The following SPATA13 variants were observed in gnomAD, a reference collection of about 807,000 sequenced individuals.
SPATA13 encodes spermatogenesis associated 13, also known as spermatogenesis-associated protein 13.
Under a neutral mutation model 104.0 loss-of-function variants are expected in SPATA13, and 50 were observed. That is an observed-to-expected ratio of 0.48 (90% CI 0.38 to 0.61). The LOEUF is 0.61. Ranked by LOEUF, SPATA13 falls within the 20% of genes least tolerant of loss-of-function variation. The probability of loss-of-function intolerance (pLI) is 0.00; values close to 1 mark genes in which losing one functional copy is unlikely to be tolerated. For missense variants in SPATA13, 1,524 were observed against 1,690.6 expected (o/e 0.90, Z 1.73); for synonymous variants, 606 against 667.5 (o/e 0.91, Z 1.42).
At chr13:24,172,463 T>G (rs2138507636) in intron 1 of SPATA13, among the ~76,000 whole-genome samples, 1 of 152,340 alleles carries the variant, frequency 6.6e-6, no homozygotes, top group South Asian at 2.1e-4. Flanking sequence ...TCTTTTGTGT[T>G]TTTTTCTAAA....
chr13:24,012,935 G>A (rs929187565), intron 2 of SPATA13, among the ~76,000 whole-genome samples: 2 of 152,148 alleles, frequency 1.3e-5, no homozygotes, highest in East Asian at 3.9e-4. Context: ...GGCACACCTA[G>A]GCCACAACTC....
chr13:24,089,030 C>T (rs1374795574), intron 3 of SPATA13, among the ~76,000 whole-genome samples: 1 of 152,358 alleles, frequency 6.6e-6, no homozygotes, highest in East Asian at 1.9e-4. Context: ...GACACGTTCA[C>T]AGGTGGCTTT....
chr13:24,301,891 A>G (rs947228), intron 12 of SPATA13, among the ~76,000 whole-genome samples: 58,656 of 152,060 alleles, frequency 0.39, 11,881 homozygotes, highest in East Asian at 0.59. Context: ...TACTTCTATT[A>G]ATTCATTTAA....
At chr13:24,056,435 C>A (rs1878547388) in intron 3 of SPATA13, among the ~76,000 whole-genome samples, 1 of 152,208 alleles carries the variant, frequency 6.6e-6, no homozygotes, top group African/African-American at 2.4e-5. Context: ...TATTCCATTT[C>A]CATACAAGAC....
intron 1 of SPATA13, among the ~76,000 whole-genome samples, chr13:24,180,510 C>T (rs1868731584): frequency 6.6e-6 from 1 of 152,154 alleles, no homozygotes; most frequent in African/African-American, 2.4e-5. Flanking sequence ...ATAGGATCAG[C>T]TTGCAAATCA....
intron 1 of SPATA13, among the ~76,000 whole-genome samples, chr13:24,222,242 C>G (rs1871627273): frequency 6.6e-6 from 1 of 152,212 alleles, no homozygotes; most frequent in Admixed American, 6.5e-5. Context: ...TCCTTCCCGC[C>G]TGTGTCTAGG....
intron 1 of SPATA13, among the ~76,000 whole-genome samples, chr13:24,189,293 A>ATTTCT (rs1469821827): frequency 6.6e-6 from 1 of 151,708 alleles, no homozygotes; most frequent in African/African-American, 2.4e-5. Flanking sequence ...AACACAGTGA[A>ATTTCT]ACCCCGTCTC....
At chr13:24,279,490 G>A (rs1039267557) in intron 4 of SPATA13, among the ~76,000 whole-genome samples, 1 of 152,140 alleles carries the variant, frequency 6.6e-6, no homozygotes, top group Non-Finnish European at 1.5e-5. Flanking sequence ...GACCAGGAGG[G>A]GCTGCTGGAG....
chr13:24,250,167 A>G (rs1342233166), intron 3 of SPATA13, among the ~76,000 whole-genome samples: 1 of 152,270 alleles, frequency 6.6e-6, no homozygotes, highest in East Asian at 1.9e-4. Flanking sequence ...TGAAAGAAGT[A>G]ATTGTTGAAA....
intron 1 of SPATA13, among the ~76,000 whole-genome samples, chr13:24,176,850 G>A (rs1475458267): frequency 6.6e-6 from 1 of 151,948 alleles, no homozygotes; most frequent in East Asian, 1.9e-4. Flanking sequence ...TGCAACCTCC[G>A]CCTCCTGGGT....
intron 3 of SPATA13, among the ~76,000 whole-genome samples, chr13:24,104,131 C>T (rs907702455): frequency 2.0e-5 from 3 of 151,902 alleles, no homozygotes; most frequent in African/African-American, 4.8e-5. Context: ...TGAGAATGTC[C>T]GTGTCAGTCT....
At position 24,088,307 on chromosome 13, in the gene SPATA13, G is replaced by A. The variant is rs149044335; in HGVS notation, c.-112+70606G>A. ...GCTCAGAGCGGTAAGGAATTGGCCC[G>A]CAGTCACATGACTATTAAAGCATCT... On this transcript the variant is annotated intron_variant, in intron 3 of 14. Transcript: ENST00000424834. This position sits in a 1 kb window ranked among gnomAD's most constrained non-coding sequence, Gnocchi z 4.3. Among the ~76,000 whole-genome samples, 679 of 152,204 alleles carry A rather than the reference G, an allele frequency of 4.5e-3. 4 individuals carry two copies. The highest frequency in any genetic ancestry group is 0.015 in the African/African-American group (618 of 41,538).
At chr13:24,189,410 C>G (rs867376771) in intron 1 of SPATA13, among the ~76,000 whole-genome samples, 1 of 149,766 alleles carries the variant, frequency 6.7e-6, no homozygotes, top group African/African-American at 2.5e-5. Context: ...GGGGGCGGAG[C>G]TTGCAGTGAG....
rs1369897737 is a variant in SPATA13 at position 24,016,912 on chromosome 13, A to T, written c.-146-755A>T. ...CCGCCCAGGCTCATGCCCAGCCTTC[A>T]ATGAATACAGTTTTAGTTACTGAAT... On this transcript the variant is annotated intron_variant, in intron 2 of 14. Transcript: ENST00000424834. 3.3e-5 allele frequency among the ~76,000 whole-genome samples: 5 copies of T among 152,354 alleles called. No homozygotes were observed. In the East Asian group the frequency reaches 9.6e-4, roughly 29 times the overall value.
At chr13:24,007,021 A>G (rs1052380959) in intron 2 of SPATA13, among the ~76,000 whole-genome samples, 13 of 151,870 alleles carry the variant, frequency 8.6e-5, no homozygotes, top group Non-Finnish European at 1.5e-4. Flanking sequence ...CCTTTCCTCT[A>G]GGATGCAGTC....
At chr13:24,143,249 G>A (rs1437256347) in intron 3 of SPATA13, among the ~76,000 whole-genome samples, 11 of 152,164 alleles carry the variant, frequency 7.2e-5, no homozygotes, top group African/African-American at 2.7e-4. Context: ...AGTCTAGACG[G>A]AAGCCCCTGG....
chr13:24,104,263 T>G (rs1880364395), intron 3 of SPATA13, among the ~76,000 whole-genome samples: 1 of 151,986 alleles, frequency 6.6e-6, no homozygotes, highest in African/African-American at 2.4e-5. Context: ...TTTTTTGGGT[T>G]TTTTTGGAAA....
chr13:24,133,241 A>G (rs1009181332), intron 3 of SPATA13, among the ~76,000 whole-genome samples: 1 of 152,216 alleles, frequency 6.6e-6, no homozygotes, highest in Non-Finnish European at 1.5e-5. Context: ...TCCTCTCTGC[A>G]CAGGTTGAAG....
intron 1 of SPATA13, among the ~76,000 whole-genome samples, chr13:24,200,524 A>G (rs1870335059): frequency 6.6e-6 from 1 of 152,066 alleles, no homozygotes; most frequent in Admixed American, 6.6e-5. Flanking sequence ...TCTCCCACCC[A>G]AGAGGTGACA....
Sources: allele counts gnomAD v4.1 joint callset (sites outside exome capture counted in the v4.1 genomes callset), GRCh38; gene constraint gnomAD v4.1.1; non-coding constraint Gnocchi (gnomAD v3.1); transcripts MANE v1.5; gene names NCBI Gene and HGNC (gene_info 2026-07-23, HGNC 2026-07-21).